The following JAK2 variants were observed in gnomAD, a reference collection of about 807,000 sequenced individuals.
JAK2 encodes Janus kinase 2.
Under a neutral mutation model 139.3 loss-of-function variants are expected in JAK2, and 86 were observed. That is an observed-to-expected ratio of 0.62 (90% CI 0.52 to 0.74). The LOEUF (loss-of-function observed/expected upper bound fraction) is 0.74. JAK2 is among the 30% of genes least tolerant of loss of function. The pLI, the probability that JAK2 is intolerant of heterozygous loss-of-function variation, is 0.00. For missense variants in JAK2, 1,421 were observed against 1,360.3 expected (o/e 1.04, Z -0.70); for synonymous variants, 490 against 437.7 (o/e 1.12, Z -1.49).
intron 2 of JAK2, among the ~76,000 whole-genome samples, chr9:5,001,634 T>A (rs1182108635): frequency 6.6e-6 from 1 of 152,048 alleles, no homozygotes; most frequent in Non-Finnish European, 1.5e-5. Context: ...AATTTTTTTT[T>A]TTTTTTATGA....
At chr9:4,992,120 T>C (rs1820291549) in intron 2 of JAK2, among the ~76,000 whole-genome samples, 1 of 152,172 alleles carries the variant, frequency 6.6e-6, no homozygotes, top group African/African-American at 2.4e-5. Context: ...CAGGGGTGAC[T>C]TGAAGGCAAA....
chr9:5,032,776 T>C (rs896453729), intron 4 of JAK2, among the ~76,000 whole-genome samples: 2 of 151,944 alleles, frequency 1.3e-5, no homozygotes, highest in African/African-American at 4.8e-5. Context: ...AAAAGGTAGA[T>C]AAAACCACAA....
rs1456340301 is a variant in JAK2 at position 5,054,821 on chromosome 9, T to C, written c.873T>C (p.Thr291=). The stretch of plus-strand genomic sequence containing the variant: ...AGATTTTTGCAACCATTATAATAAC[T>C]GGAAACGGTGGAATTCAGTGGTCAA... ...GEEIFATIII[T]GNGGIQWSRG... The change falls in exon 7 of 25, where the codon ACT becomes ACC. Residue 291 remains threonine, a synonymous_variant. Transcript: ENST00000381652. The surrounding 1 kb of genome is among the most constrained non-coding windows in gnomAD (Gnocchi z 4.9). The C allele has an allele frequency of 1.2e-6, 2 of 1,612,344 alleles. No homozygotes were observed. Among genetic ancestry groups the C allele is most frequent in the Non-Finnish European group, 1.7e-6 (2 of 1,179,192 alleles).
chr9:5,114,899 G>A lies in JAK2; in HGVS notation c.3060-8105G>A, dbSNP rs1302159791. The stretch of plus-strand genomic sequence containing the variant: ...TCTGTCCACTGTTGCAATGACCCCA[G>A]GAAGCCACCCCCAATAAACAGTGCC... On this transcript the variant is annotated intron_variant, in intron 22 of 24. Transcript: ENST00000381652. 3 of 195,268 alleles carry A rather than the reference G, an allele frequency of 1.5e-5. No individual in the cohort carries two copies. The East Asian group carries it at 5.0e-4, about 33-fold the overall frequency. 12.1% of individuals were successfully genotyped at this position (195,268 alleles called of 1,614,324 possible). A position where few individuals can be genotyped will look rare whatever the true frequency, so the allele number is the denominator to read the frequency against.
intron 22 of JAK2, among the ~76,000 whole-genome samples, chr9:5,115,078 TTAAAC>T (rs1182700708): frequency 6.6e-6 from 1 of 152,152 alleles, no homozygotes; most frequent in African/African-American, 2.4e-5. Context: ...TGGGATCTAA[TTAAAC>T]TAAACAGCTG....
intron 22 of JAK2, among the ~76,000 whole-genome samples, chr9:5,116,256 A>G (rs1823167092): frequency 6.6e-6 from 1 of 152,196 alleles, no homozygotes; most frequent in Non-Finnish European, 1.5e-5. Context: ...TTTAAACCCA[A>G]AAAGTCTGAT....
chr9:5,108,036 C>G (rs1221365888), intron 22 of JAK2: 1 of 152,012 alleles, frequency 6.6e-6, no homozygotes, highest in Non-Finnish European at 1.5e-5. Context: ...GCCTCATCAC[C>G]CTATTGTTTT....
chr9:5,052,102 C>T (rs1177382428), intron 6 of JAK2, among the ~76,000 whole-genome samples: 1 of 152,058 alleles, frequency 6.6e-6, no homozygotes, highest in African/African-American at 2.4e-5. Flanking sequence ...CAGGGGAACA[C>T]AGTTGAAGAA....
At chr9:5,022,263 T>G in intron 3 of JAK2, 50 bp downstream of exon 3, 1 of 1,285,446 alleles carries the variant, frequency 7.8e-7, no homozygotes, top group Middle Eastern at 1.8e-4. Context: ...ATTGTTTTAA[T>G]TATGCTATGC....
Position 5,127,980 on chromosome 9 carries a change from T to C in JAK2, c.*1189T>C. 4.3e-6 allele frequency: 1 copy of C among 232,356 alleles called. No homozygotes were observed. The highest frequency in any genetic ancestry group is 8.5e-6 in the Non-Finnish European group (1 of 117,402). 14.4% of individuals were successfully genotyped at this position (232,356 alleles called of 1,614,324 possible). On this transcript the variant is annotated 3_prime_UTR_variant, in exon 25 of 25. Transcript: ENST00000381652. Reference sequence around the variant, plus strand: ...CTTTAAGAAAAATGAGCATACATCTTAAATCTTTTCAATTAAGTATAAGGG... The same window carrying C: ...CTTTAAGAAAAATGAGCATACATCTCAAATCTTTTCAATTAAGTATAAGGG...
intron 2 of JAK2, among the ~76,000 whole-genome samples, chr9:4,992,143 T>C (rs192887205): frequency 1.5e-3 from 222 of 152,300 alleles, no homozygotes; most frequent in African/African-American, 4.4e-3. Context: ...ACTGGAATCA[T>C]CTGGAGGTGT....
At chr9:5,035,703 A>G (rs1415565057) in intron 4 of JAK2, among the ~76,000 whole-genome samples, 4 of 152,214 alleles carry the variant, frequency 2.6e-5, no homozygotes, top group Non-Finnish European at 5.9e-5. Context: ...AAAACTCTCA[A>G]TAAATTAGGT....
rs1824036624 is a variant in JAK2 at position 5,126,904 on chromosome 9, G to T, written c.*113G>T. The stretch of plus-strand genomic sequence containing the variant: ...CATTATTATATAAATCATGATGCTA[G>T]CCAGCAAAGATGTGAAAATATCTGC... On this transcript the variant is annotated 3_prime_UTR_variant, in exon 25 of 25. Coordinates refer to ENST00000381652, the MANE Select transcript of JAK2 (RefSeq NM_004972.4). The T allele has an allele frequency of 1.9e-6, 1 of 535,696 alleles. No homozygotes were observed. The highest frequency in any genetic ancestry group is 4.0e-5 in the Admixed American group (1 of 24,912). 33.2% of individuals were successfully genotyped at this position (535,696 alleles called of 1,614,324 possible). A position where few individuals can be genotyped will look rare whatever the true frequency, so the allele number is the denominator to read the frequency against.
chr9:5,078,250 A>G, intron 15 of JAK2, 56 bp from the exon 16 acceptor site: 1 of 1,437,158 alleles, frequency 7.0e-7, no homozygotes, highest in Admixed American at 1.9e-5. Context: ...GAACATACTA[A>G]ATGCTCCAGT....
chr9:4,993,581 T>A (rs1419666607), intron 2 of JAK2, among the ~76,000 whole-genome samples: 2 of 152,224 alleles, frequency 1.3e-5, no homozygotes, highest in Non-Finnish European at 2.9e-5. Flanking sequence ...AACTTTGCCC[T>A]AGTATGTAAC....
intron 22 of JAK2, among the ~76,000 whole-genome samples, chr9:5,121,376 T>C (rs1450715759): frequency 6.6e-6 from 1 of 152,204 alleles, no homozygotes; most frequent in African/African-American, 2.4e-5. Flanking sequence ...ACAGCACTAT[T>C]TGCCACATAC....
Position 5,085,071 on chromosome 9 carries a change from C to T in JAK2, c.2571+3210C>T, listed in dbSNP as rs140485364. 5.2e-3 allele frequency: 3,563 copies of T among 688,386 alleles called. 22 individuals carry two copies. The highest frequency in any genetic ancestry group is 7.4e-3 in the South Asian group (548 of 74,204). 42.6% of individuals were successfully genotyped at this position (688,386 alleles called of 1,614,324 possible). Reference sequence around the variant, plus strand: ...TTCTGGGGATGAGAAGTTTACTGCTCTCTCTTATTGCTTCATGGCAGTACT... The same window carrying T: ...TTCTGGGGATGAGAAGTTTACTGCTTTCTCTTATTGCTTCATGGCAGTACT... On this transcript the variant is annotated intron_variant, in intron 19 of 24. Coordinates refer to ENST00000381652, the MANE Select transcript of JAK2 (RefSeq NM_004972.4).
At chr9:5,090,003 G>A in intron 20 of JAK2, 140 bp downstream of exon 20, 2 of 482,180 alleles carry the variant, frequency 4.1e-6, no homozygotes, top group South Asian at 1.9e-4. Context: ...TAGAGATTGT[G>A]TTTGGTGATC....
chr9:5,087,813 G>C (rs1455457506), intron 19 of JAK2, among the ~76,000 whole-genome samples: 1 of 152,192 alleles, frequency 6.6e-6, no homozygotes, highest in African/African-American at 2.4e-5. Context: ...ATCCTTAATA[G>C]AGATGTACAC....
Sources: gnomAD v4.1 joint callset for allele counts (sites outside exome capture counted in the v4.1 genomes callset) on GRCh38, gnomAD v4.1.1 for gene constraint, Gnocchi (gnomAD v3.1) non-coding constraint, MANE v1.5 for transcripts, NCBI Gene and HGNC (gene_info 2026-07-23, HGNC 2026-07-21) for gene names.